The following ASPHD2 variants were observed in gnomAD, a reference collection of about 807,000 sequenced individuals.
ASPHD2 encodes the protein aspartate beta-hydroxylase domain containing 2, also known as aspartate beta-hydroxylase domain-containing protein 2.
In ASPHD2, 12 loss-of-function variants were observed where a neutral mutation model predicts 34.6. The observed-to-expected ratio is 0.35, with a 90% CI of 0.22 to 0.56. ASPHD2 has a LOEUF of 0.56. ASPHD2 is among the 20% of genes least tolerant of loss of function. The pLI is 0.87. For synonymous variants in ASPHD2, 224 were observed against 212.2 expected, an observed-to-expected ratio of 1.06 and a Z score of -0.48; for missense variants, 375 against 505.0, an observed-to-expected ratio of 0.74 and a Z score of 2.47.
intron 2 of ASPHD2, among the ~76,000 whole-genome samples, chr22:26,438,089 C>T (rs1479145830): frequency 2.6e-5 from 4 of 152,108 alleles, no homozygotes; most frequent in Non-Finnish European, 4.4e-5. Context: ...CACCGTGGCA[C>T]GTGGCGATGA....
Position 26,433,931 on chromosome 22 carries a change from G to A in ASPHD2, c.316G>A (p.Val106Met), listed in dbSNP as rs764941023. 1.1e-5 allele frequency: 17 copies of A among 1,613,398 alleles called. No individual in the cohort carries two copies. The highest frequency in any genetic ancestry group is 6.6e-5 in the South Asian group (6 of 91,094). ...TGCCAACGGGCTGCAGAATGGCTAC[G>A]TGTACTGCCAGTCCCCTGAGTGCGT... ...ADANGLQNGY[V>M]YCQSPECVRC... Residue 106 changes from valine to methionine, a missense_variant, in exon 2 of 4, where the codon GTG becomes ATG. By Grantham distance (21) the Val-to-Met change is conservative. Around this residue, in one of 3 missense-constraint regions of ASPHD2, gnomAD observed 223 missense variants for 257.8 expected, o/e 0.87. Transcript: ENST00000215906. The surrounding 1 kb of genome is among the most constrained non-coding windows in gnomAD (Gnocchi z 5.1).
rs1336811276 is a variant in ASPHD2, at chr22:26,433,522, C to T, written c.-94C>T. The T allele has an allele frequency of 3.2e-6, 3 of 949,882 alleles. No individual in the cohort carries two copies. The highest frequency in any genetic ancestry group is 3.3e-5 in the African/African-American group (2 of 60,550). 58.8% of individuals were successfully genotyped at this position (949,882 alleles called of 1,614,324 possible). A position where few individuals can be genotyped will look rare whatever the true frequency, so the allele number is the denominator to read the frequency against. Reference sequence around the variant, plus strand: ...GAGCAGTGGGCACGGCCAACCTTGTCGTTCATCAATGCCGCCCCTGGCAGT... The same window carrying T: ...GAGCAGTGGGCACGGCCAACCTTGTTGTTCATCAATGCCGCCCCTGGCAGT... On this transcript the variant is annotated 5_prime_UTR_variant, in exon 2 of 4. Transcript: ENST00000215906. This position sits in a 1 kb window ranked among gnomAD's most constrained non-coding sequence, Gnocchi z 5.1.
chr22:26,443,274 C>T lies in ASPHD2; in HGVS notation c.*68C>T. On this transcript the variant is annotated 3_prime_UTR_variant, in exon 4 of 4. Coordinates refer to ENST00000215906, the MANE Select transcript of ASPHD2 (RefSeq NM_020437.5). ...GGCCTGGGCAGACTGTGGTCCGGTC[C>T]AGTCCCTACCGGTGTTGTTTCCATG... 4.6e-6 allele frequency: 6 copies of T among 1,313,776 alleles called. No individual in the cohort carries two copies. The highest frequency in any genetic ancestry group is 6.6e-6 in the Non-Finnish European group (6 of 909,852). The allele number at this position is 1,313,776 out of a possible 1,614,324, so 81.4% of individuals were successfully genotyped here. A position where few individuals can be genotyped will look rare whatever the true frequency, so the allele number is the denominator to read the frequency against.
Position 26,444,964 on chromosome 22 carries a change from G to A in ASPHD2, c.*1758G>A, listed in dbSNP as rs2084904934. 1 of 152,192 alleles carries A rather than the reference G, an allele frequency of 6.6e-6. No individual in the cohort carries two copies. Among genetic ancestry groups the A allele is most frequent in the Non-Finnish European group, 1.5e-5 (1 of 68,038 alleles). The allele number at this position is 152,192 out of a possible 1,614,324, so 9.4% of individuals were successfully genotyped here. A position where few individuals can be genotyped will look rare whatever the true frequency, so the allele number is the denominator to read the frequency against. On this transcript the variant is annotated 3_prime_UTR_variant, in exon 4 of 4. Transcript: ENST00000215906. ...CAGGTACCTAGCTACCTGCATTCAT[G>A]TGACATGTCTGGGGAACAGAAGATA...
intron 2 of ASPHD2, among the ~76,000 whole-genome samples, chr22:26,441,317 A>C (rs1769595065): frequency 6.6e-6 from 1 of 152,034 alleles, no homozygotes; most frequent in Non-Finnish European, 1.5e-5. Context: ...TCTTTACAAA[A>C]AAAAGTTTAA....
intron 2 of ASPHD2, among the ~76,000 whole-genome samples, chr22:26,438,438 CATACATATAT>C (rs969425538): frequency 8.3e-4 from 123 of 147,712 alleles, no homozygotes; most frequent in Non-Finnish European, 1.6e-3. Flanking sequence ...TATATACACA[CATACATATAT>C]ATACATATAT....
chr22:26,438,496 C>CATAT (rs1568983882), intron 2 of ASPHD2, among the ~76,000 whole-genome samples: 3 of 88,390 alleles, frequency 3.4e-5, no homozygotes, highest in Middle Eastern at 0.011. Flanking sequence ...TATAGATACA[C>CATAT]ACATACATAT....
At chr22:26,437,105 G>C (rs1380073332) in intron 2 of ASPHD2, among the ~76,000 whole-genome samples, 2 of 152,110 alleles carry the variant, frequency 1.3e-5, no homozygotes, top group Non-Finnish European at 2.9e-5. Flanking sequence ...ATCCACCCAG[G>C]AAGGAAACAA....
At chr22:26,431,728 C>T (rs1201696613) in intron 1 of ASPHD2, among the ~76,000 whole-genome samples, 2 of 152,198 alleles carry the variant, frequency 1.3e-5, no homozygotes. Flanking sequence ...TCTTGCTATA[C>T]CTTTCTCTCG....
At chr22:26,438,652 C>CATATATATATAT (rs143431842) in intron 2 of ASPHD2, among the ~76,000 whole-genome samples, 2 of 122,568 alleles carry the variant, frequency 1.6e-5, no homozygotes, top group African/African-American at 6.3e-5. Context: ...TATACACATA[C>CATATATATATAT]ATATATATAT....
At position 26,431,725 on chromosome 22, in the gene ASPHD2, A is replaced by G. The variant is rs375530311; in HGVS notation, c.-224-1667A>G. On this transcript the variant is annotated intron_variant, in intron 1 of 3. Coordinates refer to ENST00000215906, the MANE Select transcript of ASPHD2 (RefSeq NM_020437.5). Reference sequence around the variant, plus strand: ...AACTGTTGGAATTCCGAGTCTTGCTATACCTTTCTCTCGTGCCCCACCTTT... The same window carrying G: ...AACTGTTGGAATTCCGAGTCTTGCTGTACCTTTCTCTCGTGCCCCACCTTT... 2.1e-4 allele frequency among the ~76,000 whole-genome samples: 32 copies of G among 152,328 alleles called. No individual in the cohort carries two copies. The East Asian group carries it at 2.3e-3, about 11-fold the overall frequency.
At chr22:26,443,001 C>A in intron 3 of ASPHD2, 96 bp from the exon 4 acceptor site, 1 of 871,714 alleles carries the variant, frequency 1.1e-6, no homozygotes, top group Non-Finnish European at 1.9e-6. Context: ...GGTCCCTGCC[C>A]CGAAGCTGAG....
chr22:26,438,678 T>TAC lies in ASPHD2; in HGVS notation c.887-3765_887-3764dup, dbSNP rs368493487. ...ATATATATATATACACATACATACA[T>TAC]ACACACACACACACACATATATATA... On this transcript the variant is annotated intron_variant, in intron 2 of 3. Coordinates refer to ENST00000215906, the MANE Select transcript of ASPHD2 (RefSeq NM_020437.5). 4.4e-3 allele frequency among the ~76,000 whole-genome samples: 576 copies of TAC among 129,616 alleles called. 6 individuals carry two copies. Among genetic ancestry groups the TAC allele is most frequent in the Admixed American group, 0.019 (245 of 13,194 alleles). The allele number at this position is 129,616 out of a possible 152,430, so 85.0% of individuals were successfully genotyped here. A position where few individuals can be genotyped will look rare whatever the true frequency, so the allele number is the denominator to read the frequency against.
At chr22:26,442,392 C>T in intron 2 of ASPHD2, 67 bp from the exon 3 acceptor site, 4 of 1,207,052 alleles carry the variant, frequency 3.3e-6, no homozygotes, top group Non-Finnish European at 3.5e-6. Context: ...GGCAAATCAC[C>T]CCCTATCTCC....
rs1424845156 is a variant in ASPHD2, at chr22:26,443,160, C to T, written c.1064C>T (p.Ala355Val). Residue 355 changes from alanine (A) to valine (V), a missense_variant, in exon 4 of 4, where the codon GCG (alanine) becomes GTG (valine). Ala to Val is a moderately conservative substitution (Grantham distance 64). Coordinates refer to ENST00000215906, the MANE Select transcript of ASPHD2 (RefSeq NM_020437.5). The stretch of plus-strand genomic sequence containing the variant: ...GATTTGTGGCATCCAAACGTCGCAG[C>T]GGCCGAACGGCAGGCTCTTGATTTC... ...MVDLWHPNVA[A>V]AERQALDFIF... The T allele has an allele frequency of 3.7e-6, 6 of 1,614,110 alleles. No individual in the cohort carries two copies. The highest frequency in any genetic ancestry group is 3.4e-6 in the Non-Finnish European group (4 of 1,180,006).
Position 26,433,804 on chromosome 22 carries a change from T to C in ASPHD2, c.189T>C (p.Thr63=), listed in dbSNP as rs780078182. Residue 63 remains threonine, a synonymous_variant, in exon 2 of 4, where the codon ACT becomes ACC. Transcript: ENST00000215906. The surrounding 1 kb of genome is among the most constrained non-coding windows in gnomAD (Gnocchi z 5.1). ...ACTGCGACACCACCGCTGTCATCAC[T>C]GTGGCCTGCCTCCTGGTCCTCTTCG... ...VRDCDTTAVI[T]VACLLVLFVW... 1 of 1,614,000 alleles carries C rather than the reference T, an allele frequency of 6.2e-7. No homozygotes were observed.
intron 3 of ASPHD2, 113 bp from the exon 4 acceptor site, chr22:26,442,984 A>G: frequency 1.3e-6 from 1 of 764,070 alleles, no homozygotes; most frequent in Non-Finnish European, 2.3e-6. Context: ...GCCGAGGGAC[A>G]GGATGGGGTC....
chr22:26,435,733 A>AAG (rs2084787834), intron 2 of ASPHD2, among the ~76,000 whole-genome samples: 1 of 133,224 alleles, frequency 7.5e-6, no homozygotes. Context: ...AAGAAAAGAA[A>AAG]AGAAAAGAAA....
In ASPHD2 at chr22:26,443,398, G is replaced by C. The variant is rs529051023; in HGVS notation, c.*192G>C. Reference sequence around the variant, plus strand: ...ATTGTAAATGGAAACTTTTCGGCTTGTATTTCCTTAGATTTTTTTTTTTTC... The same window carrying C: ...ATTGTAAATGGAAACTTTTCGGCTTCTATTTCCTTAGATTTTTTTTTTTTC... On this transcript the variant is annotated 3_prime_UTR_variant, in exon 4 of 4. Transcript: ENST00000215906. The C allele has an allele frequency of 1.8e-6, 1 of 542,534 alleles. No homozygotes were observed. The highest frequency in any genetic ancestry group is 3.3e-6 in the Non-Finnish European group (1 of 307,360). The allele number at this position is 542,534 out of a possible 1,614,324, so 33.6% of individuals were successfully genotyped here.
Sources: gnomAD v4.1 joint callset for allele counts (sites outside exome capture counted in the v4.1 genomes callset) on GRCh38, gnomAD v4.1.1 for gene constraint, gnomAD v4.1.1 regional missense constraint, Gnocchi (gnomAD v3.1) non-coding constraint, MANE v1.5 for transcripts, NCBI Gene and HGNC (gene_info 2026-07-23, HGNC 2026-07-21) for gene names.